Variants in EIF3B observed in about 807,000 individuals in gnomAD.
The protein encoded by EIF3B is eukaryotic translation initiation factor 3 subunit B.
A neutral mutation model predicts 104.6 loss-of-function variants in EIF3B; 10 were observed. That is an observed-to-expected ratio of 0.10 (90% CI 0.06 to 0.16). The LOEUF is 0.16. Ranked by LOEUF, EIF3B falls within the 10% of genes least tolerant of loss-of-function variation. The pLI, the probability that EIF3B is intolerant of heterozygous loss-of-function variation, is 1.00. For missense variants in EIF3B, 1,014 were observed against 1,087.9 expected (o/e 0.93, Z 0.96); for synonymous variants, 542 against 417.2 (o/e 1.30, Z -3.65).
intron 6 of EIF3B, among the ~76,000 whole-genome samples, chr7:2,366,003 T>G (rs1345432788): frequency 1.3e-5 from 2 of 152,146 alleles, no homozygotes; most frequent in Admixed American, 1.3e-4. Context: ...TTTAACTTGT[T>G]AGTCTTTATT....
chr7:2,380,411 T>A lies in EIF3B; in HGVS notation c.*222T>A. 1.9e-6 allele frequency: 1 copy of A among 518,822 alleles called. No individual in the cohort carries two copies. The highest frequency in any genetic ancestry group is 3.9e-6 in the Non-Finnish European group (1 of 259,726). The allele number at this position is 518,822 out of a possible 1,614,324, so 32.1% of individuals were successfully genotyped here. A position where few individuals can be genotyped will look rare whatever the true frequency, so the allele number is the denominator to read the frequency against. Reference sequence around the variant, plus strand: ...CCATTGCGACACATTTTTGTGCCTTTCAGCCCCTGGTGTCTGCAGTGGGGG... The same window carrying A: ...CCATTGCGACACATTTTTGTGCCTTACAGCCCCTGGTGTCTGCAGTGGGGG... On this transcript the variant is annotated 3_prime_UTR_variant, in exon 19 of 19. Coordinates refer to ENST00000360876, the MANE Select transcript of EIF3B (RefSeq NM_001037283.2).
chr7:2,363,560 A>C (rs1284187749), intron 4 of EIF3B, 72 bp from the exon 5 acceptor site: 54 of 1,397,908 alleles, frequency 3.9e-5, no homozygotes, highest in Non-Finnish European at 5.0e-5. Flanking sequence ...TCATATCTTT[A>C]AGAGCAATAG....
chr7:2,361,258 AAAAT>A (rs1017475007), intron 2 of EIF3B, among the ~76,000 whole-genome samples: 73 of 152,270 alleles, frequency 4.8e-4, no homozygotes, highest in African/African-American at 9.1e-4. Flanking sequence ...CTCTGTCTCT[AAAAT>A]AAATAAATAA....
At chr7:2,363,362 G>T (rs554961664) in intron 4 of EIF3B, among the ~76,000 whole-genome samples, 1 of 152,024 alleles carries the variant, frequency 6.6e-6, no homozygotes, top group Non-Finnish European at 1.5e-5. Flanking sequence ...GGGAGGCTGA[G>T]GGGGGAGGAT....
chr7:2,362,346 A>T (rs1384851689), intron 2 of EIF3B, among the ~76,000 whole-genome samples: 1 of 152,170 alleles, frequency 6.6e-6, no homozygotes, highest in Non-Finnish European at 1.5e-5. Context: ...ATACATTTTG[A>T]TGTGTACATA....
chr7:2,360,595 T>G, intron 1 of EIF3B, 115 bp from the exon 2 acceptor site: 1 of 842,514 alleles, frequency 1.2e-6, no homozygotes, highest in Non-Finnish European at 1.8e-6. Flanking sequence ...TTGCTCACAG[T>G]GAAAGCATTT....
chr7:2,367,878 G>A (rs911454390), intron 9 of EIF3B, among the ~76,000 whole-genome samples: 1 of 94,134 alleles, frequency 1.1e-5, no homozygotes, highest in East Asian at 3.7e-4. Flanking sequence ...GTCTTACTCT[G>A]TCTTGCAGGC....
chr7:2,359,459 A>G (rs1340021326), intron 1 of EIF3B, among the ~76,000 whole-genome samples: 1 of 152,230 alleles, frequency 6.6e-6, no homozygotes, highest in Admixed American at 6.5e-5. Context: ...CAGGGGCTCC[A>G]TGCAGCGGAA....
At chr7:2,369,763 GGATTT>G in intron 10 of EIF3B, 81 bp downstream of exon 10, 4 of 632,188 alleles carry the variant, frequency 6.3e-6, no homozygotes, top group Non-Finnish European at 4.9e-6. Flanking sequence ...GGGTGTTAAT[GGATTT>G]TTTTTTTTTT....
In EIF3B at chr7:2,367,840, T is replaced by A. The variant is rs1246123782; in HGVS notation, c.1403+795T>A. ...TTTTTTTAAAATTTTTTTTTTTTTT[T>A]TTTTTTTTTTTTTTTTTTTGAGGCA... On this transcript the variant is annotated intron_variant, in intron 9 of 18. Coordinates refer to ENST00000360876, the MANE Select transcript of EIF3B (RefSeq NM_001037283.2). Among the ~76,000 whole-genome samples the A allele has an allele frequency of 4.8e-5, 6 of 124,338 alleles. 1 individual carries two copies. Among genetic ancestry groups the A allele is most frequent in the South Asian group, 5.7e-4 (2 of 3,490 alleles). The allele number at this position is 124,338 out of a possible 152,430, so 81.6% of individuals were successfully genotyped here. A position where few individuals can be genotyped will look rare whatever the true frequency, so the allele number is the denominator to read the frequency against.
At chr7:2,372,911 C>G (rs146350966) in intron 12 of EIF3B, 116 bp downstream of exon 12, 15 of 1,214,148 alleles carry the variant, frequency 1.2e-5, no homozygotes, top group Non-Finnish European at 1.5e-5. Flanking sequence ...GGCCGGGACT[C>G]GCCTATGAAT....
chr7:2,369,341 A>AGG, intron 9 of EIF3B, 131 bp from the exon 10 acceptor site: 4 of 949,474 alleles, frequency 4.2e-6, no homozygotes, highest in Non-Finnish European at 6.6e-6. Flanking sequence ...GGCTGTGCAG[A>AGG]GGGAGCGCTC....
At chr7:2,371,017 T>C (rs576603600) in intron 10 of EIF3B, among the ~76,000 whole-genome samples, 2,017 of 152,232 alleles carry the variant, frequency 0.013, 42 homozygotes, top group African/African-American at 0.046. Context: ...GAGCCGAGAT[T>C]GCACCACTGC....
intron 18 of EIF3B, 51 bp downstream of exon 18, chr7:2,379,562 C>G: frequency 8.6e-7 from 1 of 1,159,664 alleles, no homozygotes; most frequent in Non-Finnish European, 1.3e-6. Context: ...GCTCATGCTG[C>G]TTCAGTTATC....
At chr7:2,377,149 T>A (rs1475665944) in intron 15 of EIF3B, 74 bp downstream of exon 15, 1 of 1,518,608 alleles carries the variant, frequency 6.6e-7, no homozygotes, top group African/African-American at 1.4e-5. Context: ...CAGTTTTTTC[T>A]GTTATTGTTA....
rs1415650847 is a variant in EIF3B, at chr7:2,361,938, G to GGCTTGCTT, written c.693-698_693-691dup. Among the ~76,000 whole-genome samples the GGCTTGCTT allele has an allele frequency of 7.6e-5, 11 of 144,314 alleles. No individual in the cohort carries two copies. In the East Asian group the frequency reaches 1.8e-3, roughly 23 times the overall value. The allele number at this position is 144,314 out of a possible 152,430, so 94.7% of individuals were successfully genotyped here. ...ATTACAGGCGCACACTACCACGCCT[G>GGCTTGCTT]GCTTGCTTGCTTGCTTATTTATTTA... is the stretch of plus-strand genomic sequence containing the variant. On this transcript the variant is annotated intron_variant, in intron 2 of 18. Transcript: ENST00000360876.
chr7:2,361,004 G>A, intron 2 of EIF3B, 102 bp downstream of exon 2: 1 of 956,384 alleles, frequency 1.0e-6, no homozygotes, highest in Non-Finnish European at 1.5e-6. Flanking sequence ...CCTTGCCCAG[G>A]CACGTGGGCC....
chr7:2,358,177 C>T (rs989039217), intron 1 of EIF3B, among the ~76,000 whole-genome samples: 6 of 152,266 alleles, frequency 3.9e-5, no homozygotes, highest in Middle Eastern at 6.8e-3. Context: ...TCTGCCTCCC[C>T]GCTTCAAGCG....
chr7:2,371,699 A>T (rs1780349027), intron 10 of EIF3B, 78 bp from the exon 11 acceptor site: 2 of 1,128,318 alleles, frequency 1.8e-6, no homozygotes, highest in East Asian at 4.7e-5. Flanking sequence ...TTTCATTGTG[A>T]CGTTGATCTT....
Sources: allele counts gnomAD v4.1 joint callset (sites outside exome capture counted in the v4.1 genomes callset), GRCh38; gene constraint gnomAD v4.1.1; transcripts MANE v1.5; gene names NCBI Gene and HGNC (gene_info 2026-07-23, HGNC 2026-07-21).